SNX4: variants seen among roughly 807,000 people sequenced by gnomAD.
SNX4 encodes the protein sorting nexin-4.
In SNX4, 49 loss-of-function variants were observed where a neutral mutation model predicts 70.8. The ratio of observed to expected loss-of-function variants is 0.69; its 90% CI spans 0.55 to 0.88. The LOEUF is 0.88. Among genes scored for constraint, SNX4 ranks in the 40% least tolerant of loss-of-function variants. The pLI, the probability that SNX4 is intolerant of heterozygous loss-of-function variation, is 0.00. For synonymous variants in SNX4, 206 were observed against 183.8 expected, an observed-to-expected ratio of 1.12 and a Z score of -0.98; for missense variants, 528 against 544.8, an observed-to-expected ratio of 0.97 and a Z score of 0.31.
intron 1 of SNX4, chr3:125,517,149 A>T (rs934647409): frequency 2.0e-5 from 3 of 151,584 alleles, no homozygotes; most frequent in Admixed American, 6.6e-5. Context: ...AACAATGTAC[A>T]AGACTATTTT....
intron 12 of SNX4, among the ~76,000 whole-genome samples, chr3:125,452,778 C>T (rs1321290559): frequency 2.0e-5 from 3 of 151,962 alleles, no homozygotes; most frequent in African/African-American, 4.8e-5. Flanking sequence ...CCACCGCGCT[C>T]GGCTAATTTT....
intron 9 of SNX4, among the ~76,000 whole-genome samples, 179 bp downstream of exon 9, chr3:125,469,275 A>G (rs925590896): frequency 6.6e-6 from 1 of 152,244 alleles, no homozygotes. Context: ...TATGAATTAG[A>G]TGGATTTTCA....
In SNX4 at chr3:125,520,026, C is replaced by T; in HGVS notation, c.141+6G>A. Reference sequence around the variant, plus strand: ...CCATGAGGGCTCTGCCGCCCCTTCTCCTCACCGTGTCGACCCCAGAGCTCT... The same window carrying T: ...CCATGAGGGCTCTGCCGCCCCTTCTTCTCACCGTGTCGACCCCAGAGCTCT... On this transcript the variant is annotated splice_donor_region_variant and intron_variant, in intron 1 of 13. Coordinates refer to ENST00000251775, the MANE Select transcript of SNX4 (RefSeq NM_003794.4). 1 of 1,561,846 alleles carries T rather than the reference C, an allele frequency of 6.4e-7. No homozygotes were observed.
intron 5 of SNX4, among the ~76,000 whole-genome samples, chr3:125,490,905 AC>A (rs1168160445): frequency 6.6e-6 from 1 of 152,178 alleles, no homozygotes; most frequent in Non-Finnish European, 1.5e-5. Context: ...TTAAAATCCC[AC>A]CTTGAAAATT....
chr3:125,457,307 A>G lies in SNX4; in HGVS notation c.1003T>C (p.Leu335=). The G allele has an allele frequency of 1.2e-5, 20 of 1,614,108 alleles. No individual in the cohort carries two copies. The highest frequency in any genetic ancestry group is 1.6e-5 in the Non-Finnish European group (19 of 1,179,976). The change falls in exon 11 of 14, where the codon TTA becomes CTA. Residue 335 remains leucine (L), a synonymous_variant. Coordinates refer to ENST00000251775, the MANE Select transcript of SNX4 (RefSeq NM_003794.4). ...TCACACTGCTGCTTCTTGGATGCTA[A>G]GTCCTGAGCAGCCATCTCCAAGTCA... ...QYDLEMAAQD[L]ASKKQQCEEL...
intron 1 of SNX4, among the ~76,000 whole-genome samples, chr3:125,505,626 A>C (rs1935028790): frequency 6.6e-6 from 1 of 152,106 alleles, no homozygotes; most frequent in South Asian, 2.1e-4. Context: ...CTGATCACCA[A>C]CTGCTTCTTC....
intron 10 of SNX4, among the ~76,000 whole-genome samples, chr3:125,457,966 T>C (rs1485092422): frequency 6.6e-6 from 1 of 152,080 alleles, no homozygotes; most frequent in Non-Finnish European, 1.5e-5. Context: ...ATCACATACA[T>C]AAAACATTTT....
In SNX4 at chr3:125,498,092, T is replaced by C; in HGVS notation, c.366A>G (p.Pro122=). Residue 122 remains proline, a synonymous_variant, in exon 3 of 14, where the codon CCA becomes CCG. Transcript: ENST00000251775. The part of the protein sequence containing the change: ...LLRSYLLVYY[P]HIVVPPLPEK... ...CTGGCAGAGGTGGCACAACAATATG[T>C]GGATAGTAAACTAAAAGGTAGCTTC... 6.2e-7 allele frequency: 1 copy of C among 1,614,182 alleles called. No individual in the cohort carries two copies. Among genetic ancestry groups the C allele is most frequent in the Non-Finnish European group, 8.5e-7 (1 of 1,180,010 alleles).
chr3:125,505,422 G>A (rs193102404), intron 1 of SNX4, among the ~76,000 whole-genome samples: 13 of 152,274 alleles, frequency 8.5e-5, no homozygotes, highest in African/African-American at 2.9e-4. Context: ...TAAGTATTTG[G>A]GAACTCTGGA....
intron 5 of SNX4, among the ~76,000 whole-genome samples, chr3:125,489,966 A>G (rs1430949416): frequency 6.6e-6 from 1 of 152,068 alleles, no homozygotes; most frequent in African/African-American, 2.4e-5. Flanking sequence ...ATCTCTACTA[A>G]AAATACAAAA....
At chr3:125,469,797 T>C (rs555250914) in intron 8 of SNX4, among the ~76,000 whole-genome samples, 1 of 152,096 alleles carries the variant, frequency 6.6e-6, no homozygotes, top group Non-Finnish European at 1.5e-5. Context: ...GTTAGGCGGC[T>C]GATTTAAATC....
intron 1 of SNX4, among the ~76,000 whole-genome samples, chr3:125,515,662 C>A: frequency 1.1e-5 from 1 of 92,734 alleles, no homozygotes; most frequent in South Asian, 3.6e-4. Context: ...AAGACTTGGC[C>A]TCAAAAAAAA....
chr3:125,508,342 C>T (rs554014497), intron 1 of SNX4, among the ~76,000 whole-genome samples: 1 of 151,948 alleles, frequency 6.6e-6, no homozygotes, highest in Non-Finnish European at 1.5e-5. Context: ...CTGGGGCGGG[C>T]GGATCACGAG....
At chr3:125,462,473 C>A (rs911420126) in intron 9 of SNX4, among the ~76,000 whole-genome samples, 12 of 151,388 alleles carry the variant, frequency 7.9e-5, no homozygotes, top group Admixed American at 7.9e-4. Context: ...GCCTATAGTC[C>A]CAGGTGCTCA....
Position 125,474,129 on chromosome 3 carries a change from T to C in SNX4, c.788+2566A>G, listed in dbSNP as rs559784030. Reference sequence around the variant, plus strand: ...ATTAAATCTTGGTATTCTTGGCACCTACCATGGTAACAGGAGCTCAGTTAC... The same window carrying C: ...ATTAAATCTTGGTATTCTTGGCACCCACCATGGTAACAGGAGCTCAGTTAC... On this transcript the variant is annotated intron_variant, in intron 8 of 13. Transcript: ENST00000251775. 3.3e-5 allele frequency among the ~76,000 whole-genome samples: 5 copies of C among 152,264 alleles called. No individual in the cohort carries two copies. In the South Asian group the frequency reaches 1.0e-3, roughly 32 times the overall value.
intron 6 of SNX4, among the ~76,000 whole-genome samples, chr3:125,485,072 A>T (rs1440265290): frequency 6.6e-6 from 1 of 151,772 alleles, no homozygotes; most frequent in Non-Finnish European, 1.5e-5. Flanking sequence ...TCCAAAAAAA[A>T]ACAAAAACAA....
chr3:125,460,892 G>A (rs1375142389), intron 9 of SNX4, 32 bp from the exon 10 acceptor site: 28 of 693,768 alleles, frequency 4.0e-5, no homozygotes, highest in Non-Finnish European at 5.3e-5. Flanking sequence ...ACATTGCATA[G>A]AGTTACTTTC....
chr3:125,460,945 G>C (rs1933869140), intron 9 of SNX4, 85 bp from the exon 10 acceptor site: 5 of 617,492 alleles, frequency 8.1e-6, no homozygotes, highest in Non-Finnish European at 1.3e-5. Context: ...GTGCAATTAG[G>C]CTGGGCGCAG....
intron 10 of SNX4, 142 bp from the exon 11 acceptor site, chr3:125,457,507 G>C: frequency 1.4e-5 from 8 of 568,256 alleles, no homozygotes; most frequent in South Asian, 9.0e-5. Context: ...AAATGTAGTA[G>C]CCCAACATTA....
Sources: allele counts gnomAD v4.1 joint callset (sites outside exome capture counted in the v4.1 genomes callset), GRCh38; gene constraint gnomAD v4.1.1; transcripts MANE v1.5; gene names NCBI Gene and HGNC (gene_info 2026-07-23, HGNC 2026-07-21).